The following VAMP4 variants were observed in gnomAD, a reference collection of about 807,000 sequenced individuals.
VAMP4 encodes the protein vesicle associated membrane protein 4.
In VAMP4, 19 loss-of-function variants were observed where a neutral mutation model predicts 23.5. That is an observed-to-expected ratio of 0.81 (90% confidence interval 0.56 to 1.19). The LOEUF (loss-of-function observed/expected upper bound fraction) is 1.19, where lower values mean the gene tolerates loss of function less well. Ranked by LOEUF, VAMP4 falls within the 50% of genes most tolerant of loss-of-function variation. The probability of loss-of-function intolerance (pLI) is 0.00; values close to 1 mark genes in which losing one functional copy is unlikely to be tolerated. For synonymous variants in VAMP4, 31 were observed against 51.0 expected (o/e 0.61, Z 1.67); for missense variants, 145 against 168.6 (o/e 0.86, Z 0.78).
rs780479812 is a variant in VAMP4 at position 171,738,434 on chromosome 1, T to A, written c.-20A>T. On this transcript the variant is annotated 5_prime_UTR_variant, in exon 2 of 8. Coordinates refer to ENST00000236192, the MANE Select transcript of VAMP4 (RefSeq NM_003762.5). ...AGGCATATTTTTTACTTGCAAAGTATCTTTTGCTTCTCAACAGGATAGTCA... is the reference window on the plus strand; with the variant it reads ...AGGCATATTTTTTACTTGCAAAGTAACTTTTGCTTCTCAACAGGATAGTCA... 7 of 1,612,750 alleles carry A rather than the reference T, an allele frequency of 4.3e-6. No homozygotes were observed. The South Asian group carries it at 7.7e-5, about 18-fold the overall frequency.
At chr1:171,740,921 A>C (rs1655903056) in intron 1 of VAMP4, among the ~76,000 whole-genome samples, 1 of 152,218 alleles carries the variant, frequency 6.6e-6, no homozygotes, top group African/African-American at 2.4e-5. Flanking sequence ...AGCTACCTTG[A>C]TGAACTTTGA....
intron 2 of VAMP4, 56 bp downstream of exon 2, chr1:171,738,293 G>A (rs1655806548): frequency 1.3e-6 from 2 of 1,592,642 alleles, no homozygotes; most frequent in Non-Finnish European, 1.7e-6. Context: ...ATTCACAAAG[G>A]GAATGAAAAC....
chr1:171,713,930 A>T (rs1200334838), intron 4 of VAMP4, among the ~76,000 whole-genome samples: 1 of 152,228 alleles, frequency 6.6e-6, no homozygotes, highest in Non-Finnish European at 1.5e-5. Flanking sequence ...AGAGTATCAT[A>T]AACCTACAAG....
chr1:171,706,097 G>T (rs997331891), intron 7 of VAMP4, among the ~76,000 whole-genome samples: 2 of 151,976 alleles, frequency 1.3e-5, no homozygotes, highest in Non-Finnish European at 2.9e-5. Context: ...GTGAGGGTTG[G>T]GGGCAGAACA....
chr1:171,740,992 T>C (rs1361818321), intron 1 of VAMP4, among the ~76,000 whole-genome samples: 1 of 152,156 alleles, frequency 6.6e-6, no homozygotes, highest in Non-Finnish European at 1.5e-5. Flanking sequence ...TAGAAATAAA[T>C]CATGCTCAGA....
intron 4 of VAMP4, among the ~76,000 whole-genome samples, chr1:171,715,418 A>G (rs1231667334): frequency 6.6e-6 from 1 of 152,210 alleles, no homozygotes; most frequent in East Asian, 1.9e-4. Context: ...GAGAAGCTGT[A>G]TGGTATAATG....
chr1:171,719,281 A>C (rs2124850825), intron 3 of VAMP4, 60 bp from the exon 4 acceptor site: 1 of 1,414,184 alleles, frequency 7.1e-7, no homozygotes, highest in Non-Finnish European at 9.8e-7. Context: ...CAAAACAAAA[A>C]AAAGATAGAA....
intron 4 of VAMP4, 58 bp downstream of exon 4, chr1:171,719,112 GC>G (rs1655107298): frequency 6.6e-7 from 1 of 1,506,508 alleles, no homozygotes; most frequent in Non-Finnish European, 9.1e-7. Context: ...GCTGCAGTTT[GC>G]CAATCTCTAG....
chr1:171,715,663 C>T (rs985273693), intron 4 of VAMP4, among the ~76,000 whole-genome samples: 1 of 152,054 alleles, frequency 6.6e-6, no homozygotes, highest in Non-Finnish European at 1.5e-5. Context: ...ATGTCAGTGC[C>T]CTTCGATTAA....
intron 7 of VAMP4, among the ~76,000 whole-genome samples, chr1:171,705,999 A>C (rs1297348572): frequency 6.6e-6 from 1 of 152,106 alleles, no homozygotes; most frequent in Admixed American, 6.6e-5. Context: ...CTGAGAGTTA[A>C]TAATAAATAG....
intron 3 of VAMP4, among the ~76,000 whole-genome samples, chr1:171,720,921 C>T (rs898800408): frequency 1.3e-5 from 2 of 151,940 alleles, no homozygotes; most frequent in Admixed American, 6.6e-5. Context: ...TTAACAAACT[C>T]TTAACAAATT....
At chr1:171,723,129 GAGGGAGTGTACTAAT>G (rs1655251343) in intron 3 of VAMP4, among the ~76,000 whole-genome samples, 2 of 152,134 alleles carry the variant, frequency 1.3e-5, no homozygotes, top group Admixed American at 1.3e-4. Context: ...TTTCAAAGGG[GAGGGAGTGTACTAAT>G]AGGGTGTGGA....
intron 5 of VAMP4, among the ~76,000 whole-genome samples, chr1:171,710,268 G>T (rs375726268): frequency 6.6e-6 from 1 of 151,478 alleles, no homozygotes; most frequent in South Asian, 2.1e-4. Flanking sequence ...TGGCAAGTAC[G>T]TGCCAGGTAT....
At chr1:171,738,267 T>C in intron 2 of VAMP4, 82 bp downstream of exon 2, 1 of 1,527,404 alleles carries the variant, frequency 6.5e-7, no homozygotes, top group South Asian at 1.2e-5. Context: ...CACGCCCGGA[T>C]GGTTTTTCTT....
intron 6 of VAMP4, among the ~76,000 whole-genome samples, chr1:171,707,760 T>C (rs1239432704): frequency 6.6e-6 from 1 of 152,174 alleles, no homozygotes; most frequent in African/African-American, 2.4e-5. Flanking sequence ...GTGATGACTA[T>C]TTAAAAATAT....
At chr1:171,736,434 G>A (rs1655743081) in intron 2 of VAMP4, among the ~76,000 whole-genome samples, 1 of 152,098 alleles carries the variant, frequency 6.6e-6, no homozygotes, top group Non-Finnish European at 1.5e-5. Flanking sequence ...TGGGGAACTA[G>A]CTCAAGCAGA....
At chr1:171,737,290 T>C (rs1473177389) in intron 2 of VAMP4, among the ~76,000 whole-genome samples, 2 of 152,148 alleles carry the variant, frequency 1.3e-5, no homozygotes, top group Non-Finnish European at 2.9e-5. Flanking sequence ...AAGGAGGGCT[T>C]CAGAATGGTG....
In VAMP4 at chr1:171,704,538, T is replaced by A. The variant is rs1370371735; in HGVS notation, c.398-4A>T. ...CGGTATTTCATGACTATAAGAACTG[T>A]AAGAGAAAACATGAAAAAAGCAATA... On this transcript the variant is annotated splice_region_variant and splice_polypyrimidine_tract_variant and intron_variant, in intron 7 of 7. Coordinates refer to ENST00000236192, the MANE Select transcript of VAMP4 (RefSeq NM_003762.5). 2 of 1,577,518 alleles carry A rather than the reference T, an allele frequency of 1.3e-6. No homozygotes were observed. The highest frequency in any genetic ancestry group is 4.6e-5 in the East Asian group (2 of 43,126).
At chr1:171,739,479 C>G (rs1369252015) in intron 1 of VAMP4, among the ~76,000 whole-genome samples, 1 of 152,192 alleles carries the variant, frequency 6.6e-6, no homozygotes, top group Non-Finnish European at 1.5e-5. Flanking sequence ...TCTCTTAATT[C>G]TGTAAGCCAC....
Sources: gnomAD v4.1 joint callset for allele counts (sites outside exome capture counted in the v4.1 genomes callset) on GRCh38, gnomAD v4.1.1 for gene constraint, MANE v1.5 for transcripts, NCBI Gene and HGNC (gene_info 2026-07-23, HGNC 2026-07-21) for gene names.